The following DYDC1 variants were observed in gnomAD, a reference collection of about 807,000 sequenced individuals.
The protein encoded by DYDC1 is DPY30 domain-containing protein 1.
Under a neutral mutation model 27.9 loss-of-function variants are expected in DYDC1, and 21 were observed. The ratio of observed to expected loss-of-function variants is 0.75; its 90% CI spans 0.53 to 1.08. The LOEUF (loss-of-function observed/expected upper bound fraction) is 1.08. Among genes scored for constraint, DYDC1 ranks in the 50% least tolerant of loss-of-function variants. The probability of loss-of-function intolerance (pLI) is 0.00; values close to 1 mark genes in which losing one functional copy is unlikely to be tolerated. For missense variants in DYDC1, 202 were observed against 205.9 expected, an observed-to-expected ratio of 0.98 and a Z score of 0.12; for synonymous variants, 67 against 65.8, an observed-to-expected ratio of 1.02 and a Z score of -0.09.
intron 3 of DYDC1, among the ~76,000 whole-genome samples, chr10:80,346,331 T>G (rs1842620349): frequency 6.6e-6 from 1 of 152,154 alleles, no homozygotes; most frequent in Non-Finnish European, 1.5e-5. Flanking sequence ...TTTAATTTTT[T>G]GAAATACACC....
chr10:80,349,079 G>A lies in DYDC1; in HGVS notation c.249+2822C>T, dbSNP rs6585936. 8.9e-3 allele frequency among the ~76,000 whole-genome samples: 1,357 copies of A among 152,252 alleles called. 17 individuals are homozygous for A. Among genetic ancestry groups the A allele is most frequent in the African/African-American group, 0.031 (1,289 of 41,546 alleles). On this transcript the variant is annotated intron_variant, in intron 3 of 6. Coordinates refer to ENST00000372202, the MANE Select transcript of DYDC1 (RefSeq NM_001269053.2). ...GCTAATTTTTTGTATTTTTAGTAGAGACGGGGTTTCACCGCGTTCGCCAGG... is the reference window on the plus strand; with the variant it reads ...GCTAATTTTTTGTATTTTTAGTAGAAACGGGGTTTCACCGCGTTCGCCAGG...
intron 3 of DYDC1, 61 bp downstream of exon 3, chr10:80,351,840 T>C: frequency 6.8e-7 from 1 of 1,474,122 alleles, no homozygotes; most frequent in East Asian, 2.3e-5. Flanking sequence ...ATTTAGGCTG[T>C]GCCATGCTGA....
intron 5 of DYDC1, 78 bp from the exon 6 acceptor site, chr10:80,338,649 A>C: frequency 7.3e-7 from 1 of 1,368,342 alleles, no homozygotes. Context: ...TTTGATTAAA[A>C]ATTTTCTGAT....
chr10:80,352,031 G>T lies in DYDC1; in HGVS notation c.148-29C>A, dbSNP rs370225892. 9.4e-6 allele frequency: 15 copies of T among 1,602,326 alleles called. No homozygotes were observed. In the African/African-American group the frequency reaches 1.7e-4, roughly 19 times the overall value. ...GCATTGTTTAAAAACAACAGCACAC[G>T]ACTTCTTAGCGAGAAAGCAATTTGT... On this transcript the variant is annotated intron_variant, in intron 2 of 6. Transcript: ENST00000372202.
intron 5 of DYDC1, 144 bp from the exon 6 acceptor site, chr10:80,338,715 T>A: frequency 2.3e-6 from 2 of 859,702 alleles, no homozygotes; most frequent in East Asian, 3.1e-5. Flanking sequence ...TTTCTGTTAA[T>A]GACAAGAGAA....
chr10:80,355,045 TA>T (rs200280665), intron 1 of DYDC1, among the ~76,000 whole-genome samples: 3 of 143,848 alleles, frequency 2.1e-5, no homozygotes, highest in East Asian at 2.1e-4. Context: ...GTCAGGAAAG[TA>T]AAAAAAAAGC....
At chr10:80,336,907 C>T (rs1365741131) in intron 6 of DYDC1, among the ~76,000 whole-genome samples, 1 of 152,164 alleles carries the variant, frequency 6.6e-6, no homozygotes, top group Admixed American at 6.5e-5. Context: ...TTTTTCCACT[C>T]CTGCTCCACA....
Position 80,342,304 on chromosome 10 carries a change from G to C in DYDC1, c.307C>G (p.Gln103Glu). 1.2e-6 allele frequency: 2 copies of C among 1,613,902 alleles called. No individual in the cohort carries two copies. Among genetic ancestry groups the C allele is most frequent in the Non-Finnish European group, 1.7e-6 (2 of 1,179,964 alleles). The change falls in exon 4 of 7, where the codon CAA becomes GAA. Residue 103 changes from glutamine to glutamate, a missense_variant. Coordinates refer to ENST00000372202, the MANE Select transcript of DYDC1 (RefSeq NM_001269053.2). The part of the protein sequence containing the change: ...EMQEKERQRI[Q>E]ELQRAQEQLG... ...TGTTCTTGAGCTCTCTGTAGTTCTT[G>C]TATTCTCTGCCTCTCCTTTTCTTGC...
intron 3 of DYDC1, among the ~76,000 whole-genome samples, chr10:80,347,787 T>A (rs990150399): frequency 4.6e-5 from 7 of 152,352 alleles, no homozygotes; most frequent in African/African-American, 1.7e-4. Flanking sequence ...ATTCCTGGGT[T>A]CTCTATTCTG....
At chr10:80,343,580 T>C (rs1564660759) in intron 3 of DYDC1, among the ~76,000 whole-genome samples, 1 of 151,864 alleles carries the variant, frequency 6.6e-6, no homozygotes, top group East Asian at 1.9e-4. Flanking sequence ...AAGACCAGCC[T>C]GGGCAGCATA....
chr10:80,353,378 G>A (rs1322938044), intron 1 of DYDC1, among the ~76,000 whole-genome samples: 2 of 151,398 alleles, frequency 1.3e-5, no homozygotes, highest in Non-Finnish European at 2.9e-5. Flanking sequence ...TAGCTAGGAT[G>A]GTCTCGATCT....
At chr10:80,341,376 G>A (rs1442373722) in intron 4 of DYDC1, among the ~76,000 whole-genome samples, 1 of 146,744 alleles carries the variant, frequency 6.8e-6, no homozygotes, top group African/African-American at 2.6e-5. Context: ...CCGGGAGGTG[G>A]AGGTTGCAGT....
At chr10:80,355,998 A>G (rs1843344651) in intron 1 of DYDC1, among the ~76,000 whole-genome samples, 1 of 151,854 alleles carries the variant, frequency 6.6e-6, no homozygotes, top group Non-Finnish European at 1.5e-5. Flanking sequence ...AAAAAAAAAA[A>G]AAAAAAAGGT....
intron 6 of DYDC1, 30 bp downstream of exon 6, chr10:80,338,437 A>G: frequency 6.2e-7 from 1 of 1,608,136 alleles, no homozygotes; most frequent in Non-Finnish European, 8.5e-7. Context: ...AACAAAAACG[A>G]GTTTTTTCAC....
Position 80,356,720 on chromosome 10 carries a change from A to G in DYDC1, c.-18T>C. ...CTTTCCGGTGCGCTCACCCCTACAC[A>G]CGCGCCTGCTCGCCACCCAGGAGCG... On this transcript the variant is annotated 5_prime_UTR_variant, in exon 1 of 7. Coordinates refer to ENST00000372202, the MANE Select transcript of DYDC1 (RefSeq NM_001269053.2). 1.0e-6 allele frequency: 1 copy of G among 984,694 alleles called. No individual in the cohort carries two copies. The highest frequency in any genetic ancestry group is 1.2e-6 in the Non-Finnish European group (1 of 829,416). The allele number at this position is 984,694 out of a possible 1,614,324, so 61.0% of individuals were successfully genotyped here. A position where few individuals can be genotyped will look rare whatever the true frequency, so the allele number is the denominator to read the frequency against.
intron 3 of DYDC1, among the ~76,000 whole-genome samples, chr10:80,350,487 G>A (rs754567710): frequency 2.0e-5 from 3 of 152,132 alleles, no homozygotes; most frequent in Non-Finnish European, 2.9e-5. Flanking sequence ...TTGGATGACA[G>A]TTGACACCCA....
At chr10:80,339,346 T>C (rs1374971456) in intron 4 of DYDC1, among the ~76,000 whole-genome samples, 193 bp from the exon 5 acceptor site, 1 of 152,178 alleles carries the variant, frequency 6.6e-6, no homozygotes, top group Non-Finnish European at 1.5e-5. Context: ...TCTATACTAA[T>C]AGAAGGCAAC....
Position 80,341,460 on chromosome 10 carries a change from A to G in DYDC1, c.342+809T>C, listed in dbSNP as rs571706325. Among the ~76,000 whole-genome samples, 30 of 151,056 alleles carry G rather than the reference A, an allele frequency of 2.0e-4. No individual in the cohort carries two copies. The East Asian group carries it at 4.6e-3, about 23-fold the overall frequency. ...TCTGTCTCAAAAAAAAAAAAAAAAA[A>G]AAAAGAAAGAAAGAAAAAAGTTACT... On this transcript the variant is annotated intron_variant, in intron 4 of 6. Coordinates refer to ENST00000372202, the MANE Select transcript of DYDC1 (RefSeq NM_001269053.2).
chr10:80,337,357 C>T (rs896469503), intron 6 of DYDC1: 4 of 985,454 alleles, frequency 4.1e-6, no homozygotes, highest in East Asian at 1.1e-4. Flanking sequence ...AAACTTTAAA[C>T]AATTAGCACT....
Sources: gnomAD v4.1 joint callset for allele counts (sites outside exome capture counted in the v4.1 genomes callset) on GRCh38, gnomAD v4.1.1 for gene constraint, MANE v1.5 for transcripts, NCBI Gene and HGNC (gene_info 2026-07-23, HGNC 2026-07-21) for gene names.